Variants in MSR1 observed in about 807,000 individuals in gnomAD.
MSR1 encodes macrophage scavenger receptor types I and II.
In MSR1, 53 loss-of-function variants were observed where a neutral mutation model predicts 47.2. The observed-to-expected ratio is 1.12, with a 90% CI of 0.90 to 1.41. The LOEUF is 1.41. Ranked by LOEUF, MSR1 falls within the 40% of genes most tolerant of loss-of-function variation. The pLI, the probability that MSR1 is intolerant of heterozygous loss-of-function variation, is 0.00. For missense variants in MSR1, 786 were observed against 546.9 expected, an observed-to-expected ratio of 1.44 and a Z score of -4.36; for synonymous variants, 239 against 185.6, an observed-to-expected ratio of 1.29 and a Z score of -2.34.
At chr8:16,172,939 A>G (rs1801529738) in intron 3 of MSR1, among the ~76,000 whole-genome samples, 1 of 152,158 alleles carries the variant, frequency 6.6e-6, no homozygotes, top group Non-Finnish European at 1.5e-5. Context: ...TTTTTATGCC[A>G]AGTAGAGATA....
chr8:16,187,761 C>A (rs924048349), intron 1 of MSR1, among the ~76,000 whole-genome samples: 1 of 152,102 alleles, frequency 6.6e-6, no homozygotes, highest in African/African-American at 2.4e-5. Flanking sequence ...TTTAAAAATT[C>A]TTCTGTTACA....
intron 5 of MSR1, among the ~76,000 whole-genome samples, chr8:16,158,501 G>C (rs1227550647): frequency 6.6e-6 from 1 of 151,844 alleles, no homozygotes; most frequent in Non-Finnish European, 1.5e-5. Flanking sequence ...AGTTTCCAGA[G>C]CGATGCTTCT....
chr8:16,137,378 AG>A (rs1467665525), intron 8 of MSR1, among the ~76,000 whole-genome samples: 3 of 152,182 alleles, frequency 2.0e-5, no homozygotes, highest in South Asian at 2.1e-4. Flanking sequence ...TCAAATTACT[AG>A]GCCCATTCTA....
chr8:16,169,142 TGGCCA>T (rs1177394129), intron 3 of MSR1, among the ~76,000 whole-genome samples: 2 of 152,236 alleles, frequency 1.3e-5, no homozygotes, highest in Non-Finnish European at 2.9e-5. Context: ...TGAATCTTCT[TGGCCA>T]TTGATTTTGG....
At chr8:16,146,889 T>G (rs1274219990) in intron 7 of MSR1, among the ~76,000 whole-genome samples, 1 of 152,168 alleles carries the variant, frequency 6.6e-6, no homozygotes, top group Non-Finnish European at 1.5e-5. Flanking sequence ...ACTCATGTGT[T>G]CAACCGTCTG....
At chr8:16,161,706 T>A (rs1457836043) in intron 5 of MSR1, among the ~76,000 whole-genome samples, 2 of 152,010 alleles carry the variant, frequency 1.3e-5, no homozygotes, top group East Asian at 3.8e-4. Context: ...TTTATGTGTC[T>A]GTAAATTTAC....
chr8:16,180,116 C>G (rs1048561155), intron 1 of MSR1, among the ~76,000 whole-genome samples: 11 of 151,520 alleles, frequency 7.3e-5, no homozygotes, highest in African/African-American at 2.2e-4. Context: ...GTCTCTCTCT[C>G]TCTCCCCTTC....
At chr8:16,171,410 T>C (rs547572364) in intron 3 of MSR1, among the ~76,000 whole-genome samples, 2 of 152,208 alleles carry the variant, frequency 1.3e-5, no homozygotes, top group African/African-American at 4.8e-5. Context: ...AATATGACAA[T>C]ATTTTGATGT....
chr8:16,188,289 T>C (rs1304836205), intron 1 of MSR1, among the ~76,000 whole-genome samples: 1 of 152,072 alleles, frequency 6.6e-6, no homozygotes, highest in Non-Finnish European at 1.5e-5. Flanking sequence ...TTTAATAATA[T>C]TATAGATATG....
rs533130717 is a variant in MSR1 at position 16,175,207 on chromosome 8, G to A, written c.197C>T (p.Pro66Leu). 6.8e-6 allele frequency: 11 copies of A among 1,613,848 alleles called. No homozygotes were observed. The highest frequency in any genetic ancestry group is 5.3e-5 in the African/African-American group (4 of 74,882). ...GTTACCTGCCACTATTCCAATGAGA[G>A]GGATGAGAACTGCAAACACGAGGAG... ...LYLLVFAVLI[P>L]LIGIVAAQLL... The change falls in exon 3 of 10, where the codon CCT becomes CTT. Residue 66 changes from proline to leucine, a missense_variant. By Grantham distance (98) the Pro-to-Leu change is moderately conservative (BLOSUM62 -3). Transcript: ENST00000262101.
chr8:16,173,863 A>T (rs1801561778), intron 3 of MSR1, among the ~76,000 whole-genome samples: 1 of 152,026 alleles, frequency 6.6e-6, no homozygotes, highest in East Asian at 1.9e-4. Context: ...GTTAGCCAGG[A>T]TGGTCTCGAT....
chr8:16,163,998 A>G (rs892586769), intron 5 of MSR1, 67 bp downstream of exon 5: 10 of 1,232,620 alleles, frequency 8.1e-6, no homozygotes, highest in African/African-American at 4.6e-5. Context: ...CAAATATCAA[A>G]TCTCTGCATG....
intron 9 of MSR1, among the ~76,000 whole-genome samples, chr8:16,118,985 G>A (rs1294785576): frequency 2.6e-5 from 4 of 152,118 alleles, no homozygotes; most frequent in African/African-American, 9.7e-5. Context: ...ATGGGACAGG[G>A]ATGGAAAATT....
At chr8:16,148,132 A>G (rs1282263071) in intron 7 of MSR1, among the ~76,000 whole-genome samples, 1 of 152,200 alleles carries the variant, frequency 6.6e-6, no homozygotes, top group African/African-American at 2.4e-5. Context: ...TTCTTACAGT[A>G]TGGAATTAAT....
At chr8:16,186,351 A>C in intron 1 of MSR1, 3 of 664,516 alleles carry the variant, frequency 4.5e-6, no homozygotes, top group Non-Finnish European at 7.6e-6. Flanking sequence ...ATTGCTTTAA[A>C]TATAATCTAG....
At position 16,153,943 on chromosome 8, in the gene MSR1, T is replaced by A. The variant is rs533770012; in HGVS notation, c.898+1121A>T. Among the ~76,000 whole-genome samples, 34 of 152,064 alleles carry A rather than the reference T, an allele frequency of 2.2e-4. No homozygotes were observed. The South Asian group carries it at 7.1e-3, about 32-fold the overall frequency. ...TCCTGGCAAGGCATTCAAAAGCACATCAATACTAATACCACCTGACTTGGC... is the reference window on the plus strand; with the variant it reads ...TCCTGGCAAGGCATTCAAAAGCACAACAATACTAATACCACCTGACTTGGC... On this transcript the variant is annotated intron_variant, in intron 6 of 9. Transcript: ENST00000262101.
intron 8 of MSR1, among the ~76,000 whole-genome samples, chr8:16,121,782 T>C (rs895225416): frequency 6.6e-6 from 1 of 151,880 alleles, no homozygotes; most frequent in Non-Finnish European, 1.5e-5. Context: ...ATCTCTCTAA[T>C]GTGAAAATGG....
intron 8 of MSR1, among the ~76,000 whole-genome samples, chr8:16,123,293 C>A (rs1008287920): frequency 6.6e-6 from 1 of 152,096 alleles, no homozygotes; most frequent in African/African-American, 2.4e-5. Flanking sequence ...AGAGGAAAGG[C>A]GTCTCAATAG....
At chr8:16,124,191 T>C (rs1800076345) in intron 8 of MSR1, among the ~76,000 whole-genome samples, 1 of 152,164 alleles carries the variant, frequency 6.6e-6, no homozygotes, top group Admixed American at 6.5e-5. Context: ...GCCGAGTCAC[T>C]TGCATGAACA....
Sources: allele counts gnomAD v4.1 joint callset (sites outside exome capture counted in the v4.1 genomes callset), GRCh38; gene constraint gnomAD v4.1.1; transcripts MANE v1.5; gene names NCBI Gene and HGNC (gene_info 2026-07-23, HGNC 2026-07-21).